Variants in PARP8 observed in about 807,000 individuals in gnomAD.
PARP8 encodes protein mono-ADP-ribosyltransferase PARP8.
In PARP8, 51 loss-of-function variants were observed where a neutral mutation model predicts 124.1. That is an observed-to-expected ratio of 0.41 (90% CI 0.33 to 0.52). The LOEUF (loss-of-function observed/expected upper bound fraction) is 0.52, where lower values mean the gene tolerates loss of function less well. PARP8 is among the 20% of genes least tolerant of loss of function. The probability of loss-of-function intolerance (pLI) is 0.21; values close to 1 mark genes in which losing one functional copy is unlikely to be tolerated. For synonymous variants in PARP8, 391 were observed against 361.5 expected, an observed-to-expected ratio of 1.08 and a Z score of -0.93; for missense variants, 860 against 1,018.9, an observed-to-expected ratio of 0.84 and a Z score of 2.12.
At chr5:50,810,180 G>C (rs1465135544) in intron 14 of PARP8, among the ~76,000 whole-genome samples, 1 of 151,896 alleles carries the variant, frequency 6.6e-6, no homozygotes, top group African/African-American at 2.4e-5. Flanking sequence ...TGTACGTGTT[G>C]ATAATAGAGG....
intron 3 of PARP8, among the ~76,000 whole-genome samples, chr5:50,753,567 C>T (rs1170628956): frequency 6.6e-6 from 1 of 151,920 alleles, no homozygotes; most frequent in Non-Finnish European, 1.5e-5. Context: ...TTTTTGGATT[C>T]AGGCAGATTC....
intron 2 of PARP8, among the ~76,000 whole-genome samples, chr5:50,728,179 T>C (rs1756620821): frequency 6.6e-6 from 1 of 152,186 alleles, no homozygotes; most frequent in African/African-American, 2.4e-5. Flanking sequence ...CTTAAGTATT[T>C]CCTATCAATT....
chr5:50,772,452 A>G (rs910155272), intron 7 of PARP8, among the ~76,000 whole-genome samples: 3 of 152,172 alleles, frequency 2.0e-5, no homozygotes, highest in African/African-American at 7.2e-5. Flanking sequence ...GGCTATACCA[A>G]TTTACATTCC....
intron 2 of PARP8, among the ~76,000 whole-genome samples, chr5:50,678,411 A>T (rs768808428): frequency 3.3e-4 from 50 of 152,284 alleles, no homozygotes; most frequent in Admixed American, 6.5e-4. Flanking sequence ...ACACATCTTA[A>T]GCTTTTCCTT....
chr5:50,830,020 TTATACTC>T (rs1272983545), intron 22 of PARP8, 59 bp downstream of exon 22: 14 of 1,562,788 alleles, frequency 9.0e-6, no homozygotes, highest in African/African-American at 2.7e-5. Flanking sequence ...TTCTTATTGT[TTATACTC>T]TATTCACAGC....
chr5:50,758,462 C>T (rs543058186), intron 3 of PARP8, among the ~76,000 whole-genome samples: 31 of 152,244 alleles, frequency 2.0e-4, no homozygotes, highest in South Asian at 1.9e-3. Flanking sequence ...AAGAATGCTA[C>T]AGATGTTTCT....
intron 8 of PARP8, 120 bp from the exon 9 acceptor site, chr5:50,778,440 A>T (rs2149610176): frequency 1.3e-6 from 1 of 757,000 alleles, no homozygotes; most frequent in South Asian, 1.9e-5. Flanking sequence ...TTTTGAGATA[A>T]CTTATAGGCC....
At chr5:50,779,508 G>T (rs1441334930) in intron 9 of PARP8, among the ~76,000 whole-genome samples, 1 of 152,196 alleles carries the variant, frequency 6.6e-6, no homozygotes, top group Non-Finnish European at 1.5e-5. Context: ...TAGAGTGCCT[G>T]TCCGACACAT....
intron 9 of PARP8, among the ~76,000 whole-genome samples, chr5:50,786,569 T>C (rs914334777): frequency 3.3e-5 from 5 of 151,854 alleles, no homozygotes; most frequent in African/African-American, 1.2e-4. Flanking sequence ...AGTCTCTCTA[T>C]GTTTCCAAGA....
intron 3 of PARP8, among the ~76,000 whole-genome samples, chr5:50,759,127 C>T (rs1301894022): frequency 6.6e-6 from 1 of 151,952 alleles, no homozygotes; most frequent in African/African-American, 2.4e-5. Flanking sequence ...CCATGTTGGC[C>T]AGGCTGGTAT....
At chr5:50,794,053 A>G (rs1283511048) in intron 10 of PARP8, among the ~76,000 whole-genome samples, 154 bp from the exon 11 acceptor site, 1 of 152,152 alleles carries the variant, frequency 6.6e-6, no homozygotes, top group Non-Finnish European at 1.5e-5. Flanking sequence ...GCTTTCCTAC[A>G]TATGAAAAAT....
At chr5:50,763,403 G>C (rs1292635335) in intron 7 of PARP8, 161 bp downstream of exon 7, 1 of 569,882 alleles carries the variant, frequency 1.8e-6, no homozygotes, top group Admixed American at 3.0e-5. Flanking sequence ...CATATTTATG[G>C]CTATTTTTTT....
At chr5:50,838,086 CTGTT>C (rs1747786841) in intron 25 of PARP8, among the ~76,000 whole-genome samples, 1 of 152,110 alleles carries the variant, frequency 6.6e-6, no homozygotes, top group African/African-American at 2.4e-5. Flanking sequence ...CACGTTATAA[CTGTT>C]TGATGAGTAT....
At chr5:50,824,857 G>A (rs777939920) in intron 17 of PARP8, 51 bp from the exon 18 acceptor site, 8 of 1,508,622 alleles carry the variant, frequency 5.3e-6, no homozygotes, top group African/African-American at 1.4e-5. Context: ...TTGTGAAAAC[G>A]GAAAAATGAA....
At chr5:50,758,873 G>T (rs1487478582) in intron 3 of PARP8, among the ~76,000 whole-genome samples, 2 of 151,500 alleles carry the variant, frequency 1.3e-5, no homozygotes, top group Non-Finnish European at 2.9e-5. Flanking sequence ...GAAACAAATA[G>T]TGAATAAGAA....
intron 2 of PARP8, among the ~76,000 whole-genome samples, chr5:50,686,864 A>G (rs1430426722): frequency 9.2e-5 from 14 of 152,126 alleles, no homozygotes; most frequent in Non-Finnish European, 1.6e-4. Flanking sequence ...TAGGCTGCAC[A>G]CGGCATGGAG....
intron 3 of PARP8, among the ~76,000 whole-genome samples, chr5:50,756,134 C>T (rs570306295): frequency 6.6e-5 from 10 of 152,272 alleles, no homozygotes; most frequent in Non-Finnish European, 1.3e-4. Context: ...CAAACAGGGA[C>T]AATTTGACTT....
At chr5:50,726,629 G>A (rs1385836817) in intron 2 of PARP8, among the ~76,000 whole-genome samples, 3 of 152,162 alleles carry the variant, frequency 2.0e-5, no homozygotes, top group Non-Finnish European at 2.9e-5. Flanking sequence ...ACCCCAGTGT[G>A]GGAAATCCCA....
chr5:50,681,407 T>C (rs1481779340), intron 2 of PARP8, among the ~76,000 whole-genome samples: 1 of 152,102 alleles, frequency 6.6e-6, no homozygotes, highest in Non-Finnish European at 1.5e-5. Flanking sequence ...GAGGCATTCT[T>C]GATGTGGTTA....
Sources: allele counts gnomAD v4.1 joint callset (sites outside exome capture counted in the v4.1 genomes callset), GRCh38; gene constraint gnomAD v4.1.1; transcripts MANE v1.5; gene names NCBI Gene and HGNC (gene_info 2026-07-23, HGNC 2026-07-21).